TMEM106B: variants seen among roughly 807,000 people sequenced by gnomAD.
The protein encoded by TMEM106B is transmembrane protein 106B.
Under a neutral mutation model 31.1 loss-of-function variants are expected in TMEM106B, and 15 were observed. The ratio of observed to expected loss-of-function variants is 0.48; its 90% CI spans 0.32 to 0.74. The LOEUF is 0.74. Ranked by LOEUF, TMEM106B falls within the 30% of genes least tolerant of loss-of-function variation. The pLI, the probability that TMEM106B is intolerant of heterozygous loss-of-function variation, is 0.03. For missense variants in TMEM106B, 283 were observed against 327.3 expected (o/e 0.86, Z 1.04); for synonymous variants, 126 against 112.5 (o/e 1.12, Z -0.76).
Position 12,234,078 on chromosome 7 carries a change from C to T in TMEM106B, c.*2103C>T, listed in dbSNP as rs892469031. ...CATGTCCCATTTACTTTATTATCACCATTCATTTCTTCAAAATTATCTTTT... is the reference window on the plus strand; with the variant it reads ...CATGTCCCATTTACTTTATTATCACTATTCATTTCTTCAAAATTATCTTTT... On this transcript the variant is annotated 3_prime_UTR_variant, in exon 8 of 8. Transcript: ENST00000396668. 6.6e-6 allele frequency: 1 copy of T among 151,672 alleles called. No homozygotes were observed. The highest frequency in any genetic ancestry group is 1.5e-5 in the Non-Finnish European group (1 of 67,690). 9.4% of individuals were successfully genotyped at this position (151,672 alleles called of 1,614,324 possible).
chr7:12,226,123 A>G (rs961455520), intron 4 of TMEM106B, among the ~76,000 whole-genome samples: 6 of 122,894 alleles, frequency 4.9e-5, no homozygotes, highest in African/African-American at 1.4e-4. Flanking sequence ...CATTTATTAA[A>G]TAGGGAATCC....
intron 2 of TMEM106B, chr7:12,215,574 T>G (rs1781670527): frequency 6.3e-6 from 2 of 318,346 alleles, no homozygotes; most frequent in Non-Finnish European, 1.3e-5. Flanking sequence ...TTTCATGTTA[T>G]TTTTAAAATT....
chr7:12,215,590 T>C (rs774209600), intron 2 of TMEM106B: 2 of 333,362 alleles, frequency 6.0e-6, no homozygotes, highest in South Asian at 5.4e-5. Context: ...AAATTTTATT[T>C]TTTTAATAAT....
rs193258584 is a variant in TMEM106B, at chr7:12,225,077, C to T, written c.441+692C>T. ...GTTCCCCTCCCTGTATCCAAGTATT[C>T]TCATTGTTCAATTCCCACCTATGAG... On this transcript the variant is annotated intron_variant, in intron 4 of 7. Coordinates refer to ENST00000396668, the MANE Select transcript of TMEM106B (RefSeq NM_001134232.2). 3.3e-3 allele frequency among the ~76,000 whole-genome samples: 505 copies of T among 152,172 alleles called. 3 individuals carry two copies. Among genetic ancestry groups the T allele is most frequent in the African/African-American group, 0.012 (480 of 41,520 alleles).
At chr7:12,219,651 T>C (rs927590630) in intron 3 of TMEM106B, among the ~76,000 whole-genome samples, 2 of 152,012 alleles carry the variant, frequency 1.3e-5, no homozygotes, top group African/African-American at 4.8e-5. Flanking sequence ...TGGGAGTATG[T>C]GCAAAGAGAA....
chr7:12,215,399 C>G (rs1323215355), intron 2 of TMEM106B, among the ~76,000 whole-genome samples: 3 of 148,130 alleles, frequency 2.0e-5, no homozygotes, highest in Admixed American at 6.8e-5. Context: ...ATTTGTTGAC[C>G]TATTTTTTTT....
intron 1 of TMEM106B, chr7:12,214,384 C>G (rs1781643826): frequency 6.5e-6 from 1 of 154,476 alleles, no homozygotes; most frequent in Admixed American, 6.4e-5. Context: ...CTGCTGACTT[C>G]AACTCCTCAG....
chr7:12,233,652 A>T lies in TMEM106B; in HGVS notation c.*1677A>T, dbSNP rs1583222975. On this transcript the variant is annotated 3_prime_UTR_variant, in exon 8 of 8. Coordinates refer to ENST00000396668, the MANE Select transcript of TMEM106B (RefSeq NM_001134232.2). ...CTATTAAACCCAAATCAGTCCTTTA[A>T]GTTCATTATGGCCTTTCTAGTATTT... is the stretch of plus-strand genomic sequence containing the variant. 6.7e-6 allele frequency: 1 copy of T among 148,164 alleles called. No homozygotes were observed. 9.2% of individuals were successfully genotyped at this position (148,164 alleles called of 1,614,324 possible).
At chr7:12,223,343 T>A (rs201971930) in intron 3 of TMEM106B, among the ~76,000 whole-genome samples, 1 of 38,344 alleles carries the variant, frequency 2.6e-5, no homozygotes, top group Non-Finnish European at 4.4e-5. Flanking sequence ...GGTTGTGTCA[T>A]TTTTTTTTAA....
Position 12,224,376 on chromosome 7 carries a change from A to G in TMEM106B, c.432A>G (p.Leu144=). The change falls in exon 4 of 8, where the codon TTA becomes TTG. Residue 144 remains leucine (L), a synonymous_variant. Transcript: ENST00000396668. ...SYDVQKRTIY[L]NITNTLNITN... ...ATGTTCAGAAGCGTACAATTTATTTAAATATCACAGTGAGTATAAATTTAT... is the reference window on the plus strand; with the variant it reads ...ATGTTCAGAAGCGTACAATTTATTTGAATATCACAGTGAGTATAAATTTAT... The G allele has an allele frequency of 6.2e-7, 1 of 1,607,650 alleles. No homozygotes were observed.
intron 6 of TMEM106B, 81 bp downstream of exon 6, chr7:12,230,519 T>A: frequency 1.0e-6 from 1 of 955,756 alleles, no homozygotes; most frequent in Non-Finnish European, 1.6e-6. Flanking sequence ...ACATATTTTT[T>A]AATTTCCGTT....
Position 12,232,008 on chromosome 7 carries a change from TCTA to T in TMEM106B, c.*34_*36del. ...AAGAGATGGATTTAAAGAAGAAATA[TCTA>T]TTGATATTTCCTATACTCTCAATGA... On this transcript the variant is annotated 3_prime_UTR_variant, in exon 8 of 8. Coordinates refer to ENST00000396668, the MANE Select transcript of TMEM106B (RefSeq NM_001134232.2). 6.3e-7 allele frequency: 1 copy of T among 1,598,370 alleles called. No homozygotes were observed. The highest frequency in any genetic ancestry group is 2.2e-5 in the East Asian group (1 of 44,450).
intron 3 of TMEM106B, among the ~76,000 whole-genome samples, chr7:12,220,018 T>G (rs1279825669): frequency 2.0e-5 from 3 of 152,160 alleles, no homozygotes; most frequent in Non-Finnish European, 4.4e-5. Flanking sequence ...ACAAAACTCC[T>G]AAATACCTAG....
At chr7:12,218,407 A>G in intron 2 of TMEM106B, 51 bp from the exon 3 acceptor site, 4 of 1,486,874 alleles carry the variant, frequency 2.7e-6, no homozygotes, top group Non-Finnish European at 3.7e-6. Context: ...GGGAGCCATT[A>G]TATTTTTAAC....
At position 12,236,395 on chromosome 7, in the gene TMEM106B, C is replaced by T. The variant is rs766648511; in HGVS notation, c.*4420C>T. On this transcript the variant is annotated 3_prime_UTR_variant, in exon 8 of 8. Transcript: ENST00000396668. Reference sequence around the variant, plus strand: ...TCTAAATTGAAAAATGTAGTATGATCTATATTTGACCCTAAAAATGTTGGA... The same window carrying T: ...TCTAAATTGAAAAATGTAGTATGATTTATATTTGACCCTAAAAATGTTGGA... The T allele has an allele frequency of 1.3e-5, 2 of 151,836 alleles. No homozygotes were observed. Among genetic ancestry groups the T allele is most frequent in the Non-Finnish European group, 2.9e-5 (2 of 67,862 alleles). 9.4% of individuals were successfully genotyped at this position (151,836 alleles called of 1,614,324 possible).
At chr7:12,213,618 T>A (rs1247318404) in intron 1 of TMEM106B, among the ~76,000 whole-genome samples, 1 of 152,166 alleles carries the variant, frequency 6.6e-6, no homozygotes, top group Admixed American at 6.5e-5. Flanking sequence ...TGTCAAATGT[T>A]AATGTTTGAA....
Position 12,231,838 on chromosome 7 carries a change from G to A in TMEM106B, c.688G>A (p.Val230Ile). 3 of 1,593,830 alleles carry A rather than the reference G, an allele frequency of 1.9e-6. No individual in the cohort carries two copies. Among genetic ancestry groups the A allele is most frequent in the Non-Finnish European group, 2.6e-6 (3 of 1,166,850 alleles). Reference protein sequence around the residue: ...KVHNIVLMMQVTVTTTYFGHS... With the variant: ...KVHNIVLMMQITVTTTYFGHS... ...TCTCCTCACTTACATTATTTTTAGA[G>A]TTACTGTGACAACAACATACTTTGG... The change falls in exon 8 of 8, where the codon GTT (valine) becomes ATT (isoleucine). Residue 230 changes from valine (V) to isoleucine (I), a missense_variant and splice_region_variant. Physicochemically the swap from Val to Ile is conservative, Grantham distance 29. Transcript: ENST00000396668.
In TMEM106B at chr7:12,234,348, G is replaced by A. The variant is rs1045581490; in HGVS notation, c.*2373G>A. 4 of 151,626 alleles carry A rather than the reference G, an allele frequency of 2.6e-5. No individual in the cohort carries two copies. Among genetic ancestry groups the A allele is most frequent in the African/African-American group, 7.3e-5 (3 of 41,340 alleles). 9.4% of individuals were successfully genotyped at this position (151,626 alleles called of 1,614,324 possible). ...TTTTATTATATCTACTTTTAGTGGAGTTTGAGTCAGAAAAAAACAAGAATT... is the reference window on the plus strand; with the variant it reads ...TTTTATTATATCTACTTTTAGTGGAATTTGAGTCAGAAAAAAACAAGAATT... On this transcript the variant is annotated 3_prime_UTR_variant, in exon 8 of 8. Coordinates refer to ENST00000396668, the MANE Select transcript of TMEM106B (RefSeq NM_001134232.2).
At chr7:12,213,226 G>T (rs1423273689) in intron 1 of TMEM106B, among the ~76,000 whole-genome samples, 1 of 151,860 alleles carries the variant, frequency 6.6e-6, no homozygotes, top group African/African-American at 2.4e-5. Flanking sequence ...TTGCTGCTTT[G>T]TATTGGTAAC....
Sources: allele counts gnomAD v4.1 joint callset (sites outside exome capture counted in the v4.1 genomes callset), GRCh38; gene constraint gnomAD v4.1.1; transcripts MANE v1.5; gene names NCBI Gene and HGNC (gene_info 2026-07-23, HGNC 2026-07-21).